The following RAB40C variants were observed in gnomAD, a reference collection of about 807,000 sequenced individuals.
The protein encoded by RAB40C is ras-related protein Rab-40C.
Under a neutral mutation model 28.1 loss-of-function variants are expected in RAB40C, and 8 were observed. The ratio of observed to expected loss-of-function variants is 0.28; its 90% CI spans 0.17 to 0.51. The LOEUF is 0.51. RAB40C is among the 20% of genes least tolerant of loss of function. RAB40C has a pLI of 0.97. For missense variants in RAB40C, 288 were observed against 405.9 expected (o/e 0.71, Z 2.50); for synonymous variants, 201 against 171.7 (o/e 1.17, Z -1.34).
chr16:610,963 G>A lies in RAB40C; in HGVS notation c.143-6245G>A, dbSNP rs1468326988. 2.0e-5 allele frequency among the ~76,000 whole-genome samples: 3 copies of A among 152,182 alleles called. No individual in the cohort carries two copies. The East Asian group carries it at 5.8e-4, about 29-fold the overall frequency. On this transcript the variant is annotated intron_variant, in intron 1 of 5. Coordinates refer to ENST00000248139, the MANE Select transcript of RAB40C (RefSeq NM_021168.5). The surrounding 1 kb of genome is among the most constrained non-coding windows in gnomAD (Gnocchi z 4.6). ...TCGGCTGACTGTGCTTAGAGAACAGGCCGCTGTTTGTGTCTAAATGGTATC... is the reference window on the plus strand; with the variant it reads ...TCGGCTGACTGTGCTTAGAGAACAGACCGCTGTTTGTGTCTAAATGGTATC...
At position 596,547 on chromosome 16, in the gene RAB40C, G is replaced by A. The variant is rs74000834; in HGVS notation, c.142+6114G>A. On this transcript the variant is annotated intron_variant, in intron 1 of 5. Coordinates refer to ENST00000248139, the MANE Select transcript of RAB40C (RefSeq NM_021168.5). Reference sequence around the variant, plus strand: ...TTTGGAGTAAGCAGGGAAAGGTGTCGGCGTCCAGCATCCTGGTGCGGAGAA... The same window carrying A: ...TTTGGAGTAAGCAGGGAAAGGTGTCAGCGTCCAGCATCCTGGTGCGGAGAA... 2,524 of 334,506 alleles carry A rather than the reference G, an allele frequency of 7.5e-3. 56 individuals are homozygous for A. Among genetic ancestry groups the A allele is most frequent in the African/African-American group, 0.049 (2,285 of 46,294 alleles). The allele number at this position is 334,506 out of a possible 1,614,324, so 20.7% of individuals were successfully genotyped here.
At chr16:621,342 C>G (rs1376658865) in intron 3 of RAB40C, among the ~76,000 whole-genome samples, 1 of 152,238 alleles carries the variant, frequency 6.6e-6, no homozygotes, top group Non-Finnish European at 1.5e-5. Flanking sequence ...GTTTCTCCCG[C>G]CGCCCCTGAT....
At chr16:618,134 G>A in intron 2 of RAB40C, 66 bp from the exon 3 acceptor site, 1 of 1,511,308 alleles carries the variant, frequency 6.6e-7, no homozygotes, top group South Asian at 1.2e-5. Flanking sequence ...GTCGGCAGAG[G>A]AGGGAAGGAG....
intron 1 of RAB40C, among the ~76,000 whole-genome samples, chr16:609,113 T>C (rs1226331877): frequency 6.6e-6 from 1 of 151,996 alleles, no homozygotes; most frequent in Non-Finnish European, 1.5e-5. Context: ...AGACACCTTC[T>C]CAAAAAATAA....
At chr16:598,922 C>T (rs1039941764) in intron 1 of RAB40C, among the ~76,000 whole-genome samples, 1 of 152,176 alleles carries the variant, frequency 6.6e-6, no homozygotes, top group Non-Finnish European at 1.5e-5. Context: ...GTGGGTAACC[C>T]GGTGGGAGCC....
chr16:596,302 T>G (rs1233614462), intron 1 of RAB40C: 2 of 455,994 alleles, frequency 4.4e-6, no homozygotes, highest in Non-Finnish European at 8.8e-6. Context: ...CTTTTGCCTC[T>G]TGTTCTATTT....
rs116257690 is a variant in RAB40C, at chr16:601,065, C to T, written c.142+10632C>T. On this transcript the variant is annotated intron_variant, in intron 1 of 5. Transcript: ENST00000248139. ...TGCAGAGCCACCTCCTGGTCATTAG[C>T]GTTAAAGCTCTTCTCTCCTGATGTA... Among the ~76,000 whole-genome samples, 1,088 of 152,258 alleles carry T rather than the reference C, an allele frequency of 7.1e-3. 19 individuals carry two copies. Among genetic ancestry groups the T allele is most frequent in the African/African-American group, 0.025 (1,044 of 41,548 alleles).
At chr16:617,627 G>A (rs1177356999) in intron 2 of RAB40C, among the ~76,000 whole-genome samples, 2 of 140,824 alleles carry the variant, frequency 1.4e-5, no homozygotes, top group African/African-American at 5.0e-5. Context: ...AGGATCACCT[G>A]AGGTCAGGAG....
chr16:618,416 GACTC>G (rs2151076602), intron 3 of RAB40C, among the ~76,000 whole-genome samples, 156 bp downstream of exon 3: 1 of 152,330 alleles, frequency 6.6e-6, no homozygotes, highest in Admixed American at 6.5e-5. Context: ...TTGAGACAGA[GACTC>G]ACTCTGTCAC....
chr16:611,194 G>A lies in RAB40C; in HGVS notation c.143-6014G>A, dbSNP rs549616396. On this transcript the variant is annotated intron_variant, in intron 1 of 5. Coordinates refer to ENST00000248139, the MANE Select transcript of RAB40C (RefSeq NM_021168.5). ...CCCCGGCTCTGTGGGTGGGTGACGTGGTCCCCAGGCTTTTCCCGGCATCCC... is the reference window on the plus strand; with the variant it reads ...CCCCGGCTCTGTGGGTGGGTGACGTAGTCCCCAGGCTTTTCCCGGCATCCC... Among the ~76,000 whole-genome samples, 3 of 152,140 alleles carry A rather than the reference G, an allele frequency of 2.0e-5. No homozygotes were observed. The East Asian group carries it at 5.8e-4, about 29-fold the overall frequency.
At chr16:599,506 C>A (rs2036204512) in intron 1 of RAB40C, among the ~76,000 whole-genome samples, 1 of 152,258 alleles carries the variant, frequency 6.6e-6, no homozygotes, top group Non-Finnish European at 1.5e-5. Flanking sequence ...ATGGCTGCTT[C>A]TGTCGATAGG....
At chr16:626,624 C>T (rs764216798) in intron 5 of RAB40C, among the ~76,000 whole-genome samples, 1 of 152,160 alleles carries the variant, frequency 6.6e-6, no homozygotes, top group Admixed American at 6.5e-5. Flanking sequence ...GGGTGGCTGA[C>T]GGTGTCACTG....
chr16:591,119 C>G (rs753579533), intron 1 of RAB40C, among the ~76,000 whole-genome samples: 8 of 145,576 alleles, frequency 5.5e-5, no homozygotes, highest in Non-Finnish European at 9.0e-5. Context: ...ATCTGGGGTC[C>G]GAGGGAAGGT....
Position 627,793 on chromosome 16 carries a change from A to AGCGCGGCAGGCGGGAGGAGGGG in RAB40C, c.*179_*200dup. 2.5e-6 allele frequency: 2 copies of AGCGCGGCAGGCGGGAGGAGGGG among 797,954 alleles called. No individual in the cohort carries two copies. The highest frequency in any genetic ancestry group is 3.6e-6 in the Non-Finnish European group (2 of 559,584). 49.4% of individuals were successfully genotyped at this position (797,954 alleles called of 1,614,324 possible). Reference sequence around the variant, plus strand: ...TGCGAGGAGGAGCATGCACGGACCAAGCGCGGCAGGCGGGAGGAGGGGGCG... The same window carrying AGCGCGGCAGGCGGGAGGAGGGG: ...TGCGAGGAGGAGCATGCACGGACCAAGCGCGGCAGGCGGGAGGAGGGGGCGCGGCAGGCGGGAGGAGGGGGCG... On this transcript the variant is annotated 3_prime_UTR_variant, in exon 6 of 6. Coordinates refer to ENST00000248139, the MANE Select transcript of RAB40C (RefSeq NM_021168.5).
intron 1 of RAB40C, among the ~76,000 whole-genome samples, chr16:605,800 C>T (rs191679925): frequency 1.1e-3 from 174 of 152,272 alleles, no homozygotes; most frequent in African/African-American, 3.8e-3. Flanking sequence ...GCTGTTGGGA[C>T]GTACTGAGGA....
chr16:593,710 C>A (rs866304914), intron 1 of RAB40C, among the ~76,000 whole-genome samples: 1 of 152,216 alleles, frequency 6.6e-6, no homozygotes, highest in Non-Finnish European at 1.5e-5. Flanking sequence ...ACCACACGCC[C>A]AGCACCTGTG....
chr16:594,686 C>T (rs927690587), intron 1 of RAB40C, among the ~76,000 whole-genome samples: 1 of 152,136 alleles, frequency 6.6e-6, no homozygotes, highest in African/African-American at 2.4e-5. Context: ...GAGGTTCTAG[C>T]TGTGTGTCTT....
intron 1 of RAB40C, among the ~76,000 whole-genome samples, chr16:611,064 C>T (rs560746507): frequency 2.0e-5 from 3 of 152,296 alleles, no homozygotes; most frequent in Non-Finnish European, 4.4e-5. Context: ...TGACGCGCAC[C>T]GTGGGCAACC....
chr16:599,480 C>T (rs907297551), intron 1 of RAB40C, among the ~76,000 whole-genome samples: 4 of 152,260 alleles, frequency 2.6e-5, no homozygotes, highest in Admixed American at 6.5e-5. Flanking sequence ...GTGCCTCCTC[C>T]GTGTGCGCTG....
Sources: allele counts gnomAD v4.1 joint callset (sites outside exome capture counted in the v4.1 genomes callset), GRCh38; gene constraint gnomAD v4.1.1; non-coding constraint Gnocchi (gnomAD v3.1); transcripts MANE v1.5; gene names NCBI Gene and HGNC (gene_info 2026-07-23, HGNC 2026-07-21).